Variants in SBNO1 observed in about 807,000 individuals in gnomAD.
The protein encoded by SBNO1 is strawberry notch homolog 1, also known as protein strawberry notch homolog 1.
In SBNO1, 23 loss-of-function variants were observed where a neutral mutation model predicts 173.6. The observed-to-expected ratio is 0.13, with a 90% CI of 0.10 to 0.19. SBNO1 has a LOEUF of 0.19. Ranked by LOEUF, SBNO1 falls within the 10% of genes least tolerant of loss-of-function variation. SBNO1 has a pLI of 1.00. For missense variants in SBNO1, 1,238 were observed against 1,671.2 expected, an observed-to-expected ratio of 0.74 and a Z score of 4.52; for synonymous variants, 632 against 571.5, an observed-to-expected ratio of 1.11 and a Z score of -1.51.
chr12:123,292,050 T>C lies in SBNO1; in HGVS notation c.*3858A>G, dbSNP rs1467687107. ...TTTTTTTTTTTTGCAGTTTTTGCTCTCAGCTGTAGCCCTGACATGAAACGC... is the reference window on the plus strand; with the variant it reads ...TTTTTTTTTTTTGCAGTTTTTGCTCCCAGCTGTAGCCCTGACATGAAACGC... On this transcript the variant is annotated 3_prime_UTR_variant, in exon 32 of 32. Coordinates refer to ENST00000602398, the MANE Select transcript of SBNO1 (RefSeq NM_001167856.3). 1 of 150,506 alleles carries C rather than the reference T, an allele frequency of 6.6e-6. No individual in the cohort carries two copies. Among genetic ancestry groups the C allele is most frequent in the Non-Finnish European group, 1.5e-5 (1 of 67,824 alleles). The allele number at this position is 150,506 out of a possible 1,614,324, so 9.3% of individuals were successfully genotyped here. A position where few individuals can be genotyped will look rare whatever the true frequency, so the allele number is the denominator to read the frequency against.
At chr12:123,342,326 C>T (rs1223680580) in intron 4 of SBNO1, among the ~76,000 whole-genome samples, 2 of 151,796 alleles carry the variant, frequency 1.3e-5, no homozygotes, top group African/African-American at 4.8e-5. Context: ...TGGCGGGCGC[C>T]TGTAGTCCCA....
Position 123,326,218 on chromosome 12 carries a change from G to A in SBNO1, c.1809C>T (p.Tyr603=). The A allele has an allele frequency of 5.6e-6, 9 of 1,613,536 alleles. No individual in the cohort carries two copies. The highest frequency in any genetic ancestry group is 6.8e-6 in the Non-Finnish European group (8 of 1,179,622). The change falls in exon 14 of 32, where the codon TAC becomes TAT. Residue 603 remains tyrosine, a synonymous_variant. Transcript: ENST00000602398. ...TTTTAACTTTGGATGCTATGCATAA[G>A]TATTTGAAGAACCTCTGGTGAGCAG... ...FWSAHQRFFK[Y]LCIASKVKRV...
chr12:123,312,309 T>C (rs996566075), intron 24 of SBNO1, among the ~76,000 whole-genome samples: 14 of 152,182 alleles, frequency 9.2e-5, no homozygotes, highest in Non-Finnish European at 1.9e-4. Context: ...TTACTGCTTT[T>C]GTTGAAAGCC....
Position 123,323,689 on chromosome 12 carries a change from T to A in SBNO1, c.2116A>T (p.Lys706Ter). Reference sequence around the variant, plus strand: ...TTTTTAAAGTGCTCACCTTTCCGCTTCTTTATTTTATTTTCTTTACAAGGA... The same window carrying A: ...TTTTTAAAGTGCTCACCTTTCCGCTACTTTATTTTATTTTCTTTACAAGGA... ...DSPCKENKIK[K>*]RKGEEITREA... Residue 706 changes from lysine to a stop codon, truncating the protein, a stop_gained, in exon 16 of 32, where the codon AAG (lysine) becomes TAG (stop). Coordinates refer to ENST00000602398, the MANE Select transcript of SBNO1 (RefSeq NM_001167856.3). LOFTEE classifies it high-confidence loss of function. 6.2e-7 allele frequency: 1 copy of A among 1,605,950 alleles called. No homozygotes were observed. The highest frequency in any genetic ancestry group is 2.2e-5 in the East Asian group (1 of 44,668).
At chr12:123,333,985 G>A in intron 7 of SBNO1, 68 bp downstream of exon 7, 1 of 1,038,846 alleles carries the variant, frequency 9.6e-7, no homozygotes, top group Non-Finnish European at 1.3e-6. Flanking sequence ...GTTACCTTTA[G>A]ATTGAAACAA....
chr12:123,316,087 T>C (rs1367284283), intron 21 of SBNO1, among the ~76,000 whole-genome samples: 2 of 152,080 alleles, frequency 1.3e-5, no homozygotes, highest in African/African-American at 2.4e-5. Flanking sequence ...ACCCCACAAA[T>C]TCCCACCACA....
chr12:123,349,926 A>T (rs1175579554), intron 2 of SBNO1, among the ~76,000 whole-genome samples: 1 of 151,918 alleles, frequency 6.6e-6, no homozygotes, highest in Non-Finnish European at 1.5e-5. Flanking sequence ...AAAAAAAAAA[A>T]ATTAACACAT....
chr12:123,306,052 T>G (rs547231409), intron 28 of SBNO1, among the ~76,000 whole-genome samples: 4 of 152,366 alleles, frequency 2.6e-5, no homozygotes, highest in African/African-American at 9.6e-5. Context: ...ATATTTTACT[T>G]TCCTCTTCAT....
chr12:123,363,447 G>A (rs754524406), intron 1 of SBNO1, among the ~76,000 whole-genome samples: 1 of 152,176 alleles, frequency 6.6e-6, no homozygotes, highest in Non-Finnish European at 1.5e-5. Context: ...CCGGATGACA[G>A]TTCTCTGCAC....
At chr12:123,364,143 T>G in intron 1 of SBNO1, 1 of 985,476 alleles carries the variant, frequency 1.0e-6, no homozygotes, top group South Asian at 4.7e-5. Flanking sequence ...CCCCGCGGCT[T>G]CCCCACCGCC....
intron 21 of SBNO1, 41 bp from the exon 22 acceptor site, chr12:123,315,701 G>A (rs377567157): frequency 2.9e-5 from 31 of 1,083,956 alleles, no homozygotes; most frequent in Non-Finnish European, 4.0e-5. Flanking sequence ...GATTGTGTTC[G>A]CTGGACAGAG....
chr12:123,344,844 G>A (rs917907550), intron 4 of SBNO1, among the ~76,000 whole-genome samples: 5 of 151,884 alleles, frequency 3.3e-5, no homozygotes, highest in Non-Finnish European at 5.9e-5. Flanking sequence ...CTGAAAATCC[G>A]TCTCAAAAAA....
intron 13 of SBNO1, among the ~76,000 whole-genome samples, chr12:123,326,767 A>C (rs1181017044): frequency 2.0e-5 from 3 of 152,110 alleles, no homozygotes; most frequent in African/African-American, 7.2e-5. Context: ...CTCTACCAAA[A>C]AATACAAAAA....
chr12:123,364,667 G>A (rs537673137), intron 1 of SBNO1, 34 bp downstream of exon 1: 36 of 981,832 alleles, frequency 3.7e-5, no homozygotes, highest in Admixed American at 6.2e-5. Flanking sequence ...GAGGGGGAGT[G>A]TGGAAGGAGA....
In SBNO1 at chr12:123,349,713, G is replaced by A. The variant is rs534502228; in HGVS notation, c.132+597C>T. ...AGGCAGATCACAAGGTCAGGAGTTC[G>A]AGACCAGCCTGAACAACATGGTGAA... On this transcript the variant is annotated intron_variant, in intron 2 of 31. Transcript: ENST00000602398. Among the ~76,000 whole-genome samples, 20 of 152,014 alleles carry A rather than the reference G, an allele frequency of 1.3e-4. No individual in the cohort carries two copies. In the East Asian group the frequency reaches 1.7e-3, roughly 13 times the overall value.
At position 123,320,489 on chromosome 12, in the gene SBNO1, G is replaced by A. The variant is rs766280280; in HGVS notation, c.2610C>T (p.Pro870=). ...DKLEKLAEDL[P]PNTLDELIDE... Reference sequence around the variant, plus strand: ...CGATAAGTTCATCCAGGGTATTAGGGGGGAGGTCTTCAGCTAATTTTTCTA... The same window carrying A: ...CGATAAGTTCATCCAGGGTATTAGGAGGGAGGTCTTCAGCTAATTTTTCTA... Residue 870 remains proline, a synonymous_variant, in exon 19 of 32, where the codon CCC becomes CCT. Transcript: ENST00000602398. 8.7e-6 allele frequency: 14 copies of A among 1,614,042 alleles called. No individual in the cohort carries two copies. Among genetic ancestry groups the A allele is most frequent in the Non-Finnish European group, 1.1e-5 (13 of 1,180,004 alleles).
intron 30 of SBNO1, among the ~76,000 whole-genome samples, chr12:123,300,872 C>A (rs2048763131): frequency 6.9e-6 from 1 of 145,658 alleles, no homozygotes; most frequent in African/African-American, 2.5e-5. Context: ...GGCAGGAGAA[C>A]TGCTTGAACC....
Position 123,295,855 on chromosome 12 carries a change from T to C in SBNO1, c.*53A>G. On this transcript the variant is annotated 3_prime_UTR_variant, in exon 32 of 32. Coordinates refer to ENST00000602398, the MANE Select transcript of SBNO1 (RefSeq NM_001167856.3). ...AAACTGTCCCTGATTTTTATGCAAATGATATGCTTCAACAGCATTTCAGAT... is the reference window on the plus strand; with the variant it reads ...AAACTGTCCCTGATTTTTATGCAAACGATATGCTTCAACAGCATTTCAGAT... 6.3e-7 allele frequency: 1 copy of C among 1,582,060 alleles called. No individual in the cohort carries two copies.
intron 29 of SBNO1, among the ~76,000 whole-genome samples, chr12:123,303,130 G>A (rs1317074951): frequency 6.6e-6 from 1 of 152,050 alleles, no homozygotes; most frequent in East Asian, 1.9e-4. Flanking sequence ...TTTCAAATCA[G>A]AATGGCTACA....
Sources: gnomAD v4.1 joint callset for allele counts (sites outside exome capture counted in the v4.1 genomes callset) on GRCh38, gnomAD v4.1.1 for gene constraint, MANE v1.5 for transcripts, NCBI Gene and HGNC (gene_info 2026-07-23, HGNC 2026-07-21) for gene names.